The following FARS2 variants were observed in gnomAD, a reference collection of about 807,000 sequenced individuals.
FARS2 encodes phenylalanine--tRNA ligase, mitochondrial.
FARS2 carries 40 observed loss-of-function variants against 46.4 expected under a neutral mutation model. The ratio of observed to expected loss-of-function variants is 0.86; its 90% CI spans 0.67 to 1.12. FARS2 has a LOEUF of 1.12. Among genes scored for constraint, FARS2 ranks in the 50% most tolerant of loss-of-function variants. The pLI, the probability that FARS2 is intolerant of heterozygous loss-of-function variation, is 0.00. For synonymous variants in FARS2, 234 were observed against 214.9 expected (o/e 1.09, Z -0.78); for missense variants, 513 against 567.9 (o/e 0.90, Z 0.98).
At chr6:5,660,146 T>G (rs182171304) in intron 6 of FARS2, among the ~76,000 whole-genome samples, 18 of 152,346 alleles carry the variant, frequency 1.2e-4, no homozygotes, top group African/African-American at 3.4e-4. Context: ...TGATTAGTTC[T>G]TTCTTTCATT....
intron 5 of FARS2, among the ~76,000 whole-genome samples, chr6:5,559,726 T>C (rs1771881593): frequency 6.6e-6 from 1 of 151,594 alleles, no homozygotes; most frequent in South Asian, 2.1e-4. Context: ...AAGGATTTGC[T>C]TAATCTTATG....
At chr6:5,563,385 A>T (rs937670502) in intron 5 of FARS2, among the ~76,000 whole-genome samples, 7 of 152,208 alleles carry the variant, frequency 4.6e-5, no homozygotes, top group Non-Finnish European at 1.0e-4. Flanking sequence ...GTTTGGGTAG[A>T]CACAGTTTCT....
chr6:5,657,011 A>G (rs1777636979), intron 6 of FARS2, among the ~76,000 whole-genome samples: 1 of 152,208 alleles, frequency 6.6e-6, no homozygotes, highest in African/African-American at 2.4e-5. Context: ...TAATAATGTT[A>G]TACAGATATT....
intron 4 of FARS2, among the ~76,000 whole-genome samples, chr6:5,519,916 G>A (rs566437571): frequency 6.6e-6 from 1 of 152,182 alleles, no homozygotes; most frequent in Non-Finnish European, 1.5e-5. Context: ...AGCCAAATTA[G>A]AAGAGAGAAT....
intron 5 of FARS2, among the ~76,000 whole-genome samples, chr6:5,547,597 G>T (rs1346296531): frequency 1.3e-5 from 2 of 152,156 alleles, no homozygotes; most frequent in Non-Finnish European, 2.9e-5. Context: ...GAGATCACAG[G>T]ATCTCTTTCT....
intron 4 of FARS2, among the ~76,000 whole-genome samples, chr6:5,487,736 C>A: frequency 6.6e-6 from 1 of 152,182 alleles, no homozygotes; most frequent in East Asian, 1.9e-4. Flanking sequence ...TCAGGGCCTC[C>A]TCTGGAAAAT....
intron 2 of FARS2, among the ~76,000 whole-genome samples, chr6:5,400,333 G>T: frequency 6.6e-6 from 1 of 151,456 alleles, no homozygotes; most frequent in African/African-American, 2.4e-5. Context: ...GTTTCTTTAC[G>T]TTAGTGGTAT....
At chr6:5,651,954 C>G (rs1353860381) in intron 6 of FARS2, among the ~76,000 whole-genome samples, 1 of 152,108 alleles carries the variant, frequency 6.6e-6, no homozygotes, top group Non-Finnish European at 1.5e-5. Flanking sequence ...GTTAACACAG[C>G]TGGGAAAGCT....
At chr6:5,715,299 C>T (rs1477956832) in intron 6 of FARS2, among the ~76,000 whole-genome samples, 1 of 152,098 alleles carries the variant, frequency 6.6e-6, no homozygotes, top group African/African-American at 2.4e-5. Context: ...TCACCTGTAC[C>T]CCTGCCCACA....
At chr6:5,395,253 G>C (rs143250111) in intron 2 of FARS2, among the ~76,000 whole-genome samples, 5,334 of 152,230 alleles carry the variant, frequency 0.035, 347 homozygotes, top group African/African-American at 0.12. Flanking sequence ...GTCTCACCAT[G>C]TTGGCCAGGC....
In FARS2 at chr6:5,357,283, G is replaced by A. The variant is rs35735795; in HGVS notation, c.-21-11267G>A. On this transcript the variant is annotated intron_variant, in intron 1 of 6. Transcript: ENST00000274680. ...TCTTTTCTTAGCTAAACAGTGATTT[G>A]GAAATGTATAACATAAATGTTCATA... Among the ~76,000 whole-genome samples, 774 of 152,224 alleles carry A rather than the reference G, an allele frequency of 5.1e-3. 3 individuals carry two copies. Among genetic ancestry groups the A allele is most frequent in the Non-Finnish European group, 8.7e-3 (593 of 68,016 alleles).
At chr6:5,714,795 T>G (rs983736895) in intron 6 of FARS2, among the ~76,000 whole-genome samples, 4 of 151,730 alleles carry the variant, frequency 2.6e-5, no homozygotes, top group African/African-American at 7.3e-5. Flanking sequence ...GAGGCCGAGG[T>G]GGGTGGATAA....
intron 4 of FARS2, among the ~76,000 whole-genome samples, chr6:5,482,675 G>A (rs978469955): frequency 5.3e-5 from 8 of 152,126 alleles, no homozygotes; most frequent in African/African-American, 1.9e-4. Context: ...AAATCACTGT[G>A]ATGAGCACTG....
intron 6 of FARS2, among the ~76,000 whole-genome samples, chr6:5,680,866 C>T (rs1199374209): frequency 2.0e-5 from 3 of 152,040 alleles, no homozygotes; most frequent in African/African-American, 7.2e-5. Context: ...AGTTGATCTA[C>T]ACTTACAGCC....
At chr6:5,740,110 A>G (rs1432816920) in intron 6 of FARS2, among the ~76,000 whole-genome samples, 1 of 152,170 alleles carries the variant, frequency 6.6e-6, no homozygotes, top group Non-Finnish European at 1.5e-5. Context: ...AGCAGGTCAA[A>G]CCACTACATA....
intron 5 of FARS2, among the ~76,000 whole-genome samples, chr6:5,576,492 C>G (rs1193685328): frequency 1.3e-5 from 2 of 151,416 alleles, no homozygotes; most frequent in Non-Finnish European, 2.9e-5. Context: ...TGCACATGGC[C>G]TATTTTGGGA....
rs557245814 is a variant in FARS2 at position 5,648,690 on chromosome 6, A to G, written c.1217+35370A>G. On this transcript the variant is annotated intron_variant, in intron 6 of 6. Coordinates refer to ENST00000274680, the MANE Select transcript of FARS2 (RefSeq NM_006567.5). The stretch of plus-strand genomic sequence containing the variant: ...TCCATCTACCCTTCATAGGATTCAA[A>G]TCCAAAGGCTAGATTTTTGGGTTAC... Among the ~76,000 whole-genome samples, 6 of 152,038 alleles carry G rather than the reference A, an allele frequency of 3.9e-5. No individual in the cohort carries two copies. The East Asian group carries it at 7.8e-4, about 20-fold the overall frequency.
chr6:5,395,662 T>G lies in FARS2; in HGVS notation c.613-8880T>G, dbSNP rs1760859349. ...TAACGTGTTCTGGGAGTAGTTTCCA[T>G]CTTTGGAAAAAACAGCTTTATCTTC... On this transcript the variant is annotated intron_variant, in intron 2 of 6. Transcript: ENST00000274680. 2.0e-5 allele frequency among the ~76,000 whole-genome samples: 3 copies of G among 152,192 alleles called. No homozygotes were observed. The South Asian group carries it at 6.2e-4, about 31-fold the overall frequency.
At chr6:5,767,535 A>G (rs772734700) in intron 6 of FARS2, among the ~76,000 whole-genome samples, 8 of 152,204 alleles carry the variant, frequency 5.3e-5, no homozygotes, top group South Asian at 4.1e-4. Context: ...AGGAACCACC[A>G]TACTGTGGTT....
Sources: allele counts gnomAD v4.1 joint callset (sites outside exome capture counted in the v4.1 genomes callset), GRCh38; gene constraint gnomAD v4.1.1; transcripts MANE v1.5; gene names NCBI Gene and HGNC (gene_info 2026-07-23, HGNC 2026-07-21).